Variants in SCMH1 observed in about 807,000 individuals in gnomAD.
The protein encoded by SCMH1 is Scm polycomb group protein homolog 1.
A neutral mutation model predicts 70.8 loss-of-function variants in SCMH1; 37 were observed. The observed-to-expected ratio is 0.52, with a 90% CI of 0.40 to 0.69. The LOEUF is 0.69. Among genes scored for constraint, SCMH1 ranks in the 30% least tolerant of loss-of-function variants. The pLI, the probability that SCMH1 is intolerant of heterozygous loss-of-function variation, is 0.00. For missense variants in SCMH1, 607 were observed against 827.3 expected (o/e 0.73, Z 3.27); for synonymous variants, 292 against 307.4 (o/e 0.95, Z 0.52).
intron 2 of SCMH1, among the ~76,000 whole-genome samples, chr1:41,167,519 A>C (rs895826044): frequency 6.6e-6 from 1 of 152,062 alleles, no homozygotes; most frequent in African/African-American, 2.4e-5. Context: ...TTGATTGGAG[A>C]CTTTTAATTA....
intron 6 of SCMH1, among the ~76,000 whole-genome samples, chr1:41,133,920 C>T (rs1166737861): frequency 1.3e-5 from 2 of 152,182 alleles, no homozygotes; most frequent in Non-Finnish European, 2.9e-5. Flanking sequence ...GGAATCCTCC[C>T]TAACTCATTT....
intron 10 of SCMH1, among the ~76,000 whole-genome samples, chr1:41,052,608 T>C (rs1648621219): frequency 6.6e-6 from 1 of 152,154 alleles, no homozygotes; most frequent in Non-Finnish European, 1.5e-5. Context: ...AATACGTGAG[T>C]GTATATTCAT....
At chr1:41,209,710 C>T (rs1298400389) in intron 1 of SCMH1, among the ~76,000 whole-genome samples, 1 of 152,180 alleles carries the variant, frequency 6.6e-6, no homozygotes, top group Admixed American at 6.5e-5. Flanking sequence ...ATTGATGGGA[C>T]ATATCTCAAA....
At chr1:41,144,912 A>G (rs1644415733) in intron 5 of SCMH1, among the ~76,000 whole-genome samples, 1 of 152,158 alleles carries the variant, frequency 6.6e-6, no homozygotes, top group Admixed American at 6.5e-5. Flanking sequence ...ATCTATTCAA[A>G]TTCTTTGTCC....
intron 8 of SCMH1, among the ~76,000 whole-genome samples, chr1:41,084,947 A>G (rs968545497): frequency 1.5e-5 from 2 of 133,876 alleles, no homozygotes; most frequent in Non-Finnish European, 3.1e-5. Flanking sequence ...TGGACACAGG[A>G]AGGGGAATAT....
intron 6 of SCMH1, among the ~76,000 whole-genome samples, chr1:41,136,480 T>A (rs1174060600): frequency 1.3e-5 from 2 of 151,418 alleles, no homozygotes; most frequent in Non-Finnish European, 2.9e-5. Context: ...CAGGTTCAAG[T>A]GATTCTCCTC....
intron 12 of SCMH1, among the ~76,000 whole-genome samples, chr1:41,045,499 T>C (rs16827859): frequency 0.02 from 2,977 of 152,236 alleles, 96 homozygotes; most frequent in African/African-American, 0.068. Context: ...GTGATTCTGT[T>C]AAGACTATGA....
intron 12 of SCMH1, chr1:41,038,032 G>A (rs1645552688): frequency 6.5e-6 from 1 of 154,432 alleles, no homozygotes; most frequent in African/African-American, 2.4e-5. Context: ...TTTTGTATTT[G>A]CCCTATTCTA....
At chr1:41,100,190 T>G (rs1379007684) in intron 8 of SCMH1, among the ~76,000 whole-genome samples, 3 of 152,200 alleles carry the variant, frequency 2.0e-5, no homozygotes, top group Non-Finnish European at 2.9e-5. Context: ...AGCAAGTATC[T>G]GATGAAAACT....
At chr1:41,189,250 A>G (rs964864095) in intron 1 of SCMH1, among the ~76,000 whole-genome samples, 1 of 152,180 alleles carries the variant, frequency 6.6e-6, no homozygotes, top group Admixed American at 6.5e-5. Context: ...CGCGGGTTCC[A>G]GCGATTCTCC....
At chr1:41,207,640 G>T (rs1655880589) in intron 1 of SCMH1, among the ~76,000 whole-genome samples, 1 of 151,980 alleles carries the variant, frequency 6.6e-6, no homozygotes, top group Non-Finnish European at 1.5e-5. Context: ...AACAAGACAG[G>T]TTAACAAGGA....
At chr1:41,081,917 C>T (rs1285533471) in intron 8 of SCMH1, among the ~76,000 whole-genome samples, 2 of 151,956 alleles carry the variant, frequency 1.3e-5, no homozygotes, top group Admixed American at 6.6e-5. Context: ...ATATAGTCAT[C>T]TGATTTATGA....
chr1:41,079,195 G>T (rs548145362), intron 8 of SCMH1, among the ~76,000 whole-genome samples: 1 of 152,124 alleles, frequency 6.6e-6, no homozygotes, highest in South Asian at 2.1e-4. Flanking sequence ...AAGAAGGCAA[G>T]AAAGGAGGAA....
chr1:41,080,130 T>C (rs535648125), intron 8 of SCMH1, among the ~76,000 whole-genome samples: 1 of 152,228 alleles, frequency 6.6e-6, no homozygotes, highest in Non-Finnish European at 1.5e-5. Context: ...ACATAATATA[T>C]GAGTCTCTCT....
At chr1:41,081,470 G>A (rs1480640347) in intron 8 of SCMH1, among the ~76,000 whole-genome samples, 2 of 152,190 alleles carry the variant, frequency 1.3e-5, no homozygotes, top group African/African-American at 4.8e-5. Context: ...CAGCAAAGCT[G>A]GAGAACATGC....
At chr1:41,142,596 T>C (rs563152226) in intron 6 of SCMH1, among the ~76,000 whole-genome samples, 1 of 152,316 alleles carries the variant, frequency 6.6e-6, no homozygotes, top group South Asian at 2.1e-4. Context: ...CAAGACCTCC[T>C]TCCATTCTCT....
chr1:41,030,378 G>A (rs138020180), intron 13 of SCMH1, among the ~76,000 whole-genome samples: 2 of 152,012 alleles, frequency 1.3e-5, no homozygotes, highest in East Asian at 1.9e-4. Context: ...TCCTACCTTC[G>A]GCCTCATTTC....
chr1:41,214,845 G>A (rs1042975028), intron 1 of SCMH1, among the ~76,000 whole-genome samples: 82 of 152,086 alleles, frequency 5.4e-4, no homozygotes, highest in Admixed American at 5.0e-3. Context: ...CCTGAAATAT[G>A]GATCTTAATG....
chr1:41,235,021 T>C (rs1477918096), intron 1 of SCMH1, among the ~76,000 whole-genome samples: 1 of 152,130 alleles, frequency 6.6e-6, no homozygotes, highest in Non-Finnish European at 1.5e-5. Context: ...TCAAGAGATT[T>C]GACCACCTTG....
Sources: gnomAD v4.1 joint callset for allele counts (sites outside exome capture counted in the v4.1 genomes callset) on GRCh38, gnomAD v4.1.1 for gene constraint, MANE v1.5 for transcripts, NCBI Gene and HGNC (gene_info 2026-07-23, HGNC 2026-07-21) for gene names.